Variants in CACNA1H observed in about 807,000 individuals in gnomAD.
The protein encoded by CACNA1H is voltage-dependent T-type calcium channel subunit alpha-1H.
CACNA1H carries 149 observed loss-of-function variants against 192.5 expected under a neutral mutation model. The observed-to-expected ratio is 0.77, with a 90% CI of 0.68 to 0.89. The LOEUF (loss-of-function observed/expected upper bound fraction) is 0.89, where lower values mean the gene tolerates loss of function less well. Among genes scored for constraint, CACNA1H ranks in the 40% least tolerant of loss-of-function variants. The probability of loss-of-function intolerance (pLI) is 0.00; values close to 1 mark genes in which losing one functional copy is unlikely to be tolerated. For synonymous variants in CACNA1H, 2,202 were observed against 1,475.2 expected, an observed-to-expected ratio of 1.49 and a Z score of -11.29; for missense variants, 4,257 against 3,423.5, an observed-to-expected ratio of 1.24 and a Z score of -6.08.
intron 1 of CACNA1H, 68 bp from the exon 2 acceptor site, chr16:1,153,652 G>C (rs1490531771): frequency 1.9e-6 from 2 of 1,026,496 alleles, no homozygotes; most frequent in Non-Finnish European, 2.4e-6. Context: ...TGTTCCCGCA[G>C]CTCCGCGCCG....
rs1966859691 is a variant in CACNA1H, at chr16:1,195,156, C to CG, written c.411+78dup. The stretch of plus-strand genomic sequence containing the variant: ...GTTTATGGTTCAAGGCGGAGTGGGG[C>CG]GGGGGCGGGGCAAGGTTCAAGGTGG... On this transcript the variant is annotated intron_variant, in intron 3 of 34. Transcript: ENST00000348261. 8.5e-5 allele frequency: 7 copies of CG among 82,674 alleles called. No individual in the cohort carries two copies. In the Admixed American group the frequency reaches 1.2e-3, roughly 14 times the overall value. The allele number at this position is 82,674 out of a possible 1,614,324, so 5.1% of individuals were successfully genotyped here. A position where few individuals can be genotyped will look rare whatever the true frequency, so the allele number is the denominator to read the frequency against.
chr16:1,203,015 C>G (rs1018271616), intron 9 of CACNA1H, among the ~76,000 whole-genome samples: 3 of 152,100 alleles, frequency 2.0e-5, no homozygotes, highest in African/African-American at 7.2e-5. Context: ...TAGGGTTCCA[C>G]ACGGGCCTGG....
Position 1,200,807 on chromosome 16 carries a change from T to G in CACNA1H, c.1211T>G (p.Ile404Ser). The stretch of plus-strand genomic sequence containing the variant: ...TTCATCTATTTCATCCTGCTCATCA[T>G]CGTGAGTGTGGGCGGCAGTGTTCGC... ...YNFIYFILLI[I>S]VGSFFMINLC... The change falls in exon 8 of 35, where the codon ATC becomes AGC. Residue 404 changes from isoleucine (I) to serine (S), a missense_variant and splice_region_variant. Ile to Ser is a moderately radical substitution (Grantham distance 142). Coordinates refer to ENST00000348261, the MANE Select transcript of CACNA1H (RefSeq NM_021098.3). 6.4e-7 allele frequency: 1 copy of G among 1,551,038 alleles called. No individual in the cohort carries two copies. The highest frequency in any genetic ancestry group is 8.7e-7 in the Non-Finnish European group (1 of 1,146,728).
chr16:1,177,413 G>C (rs1964999394), intron 2 of CACNA1H, among the ~76,000 whole-genome samples: 1 of 152,230 alleles, frequency 6.6e-6, no homozygotes, highest in South Asian at 2.1e-4. Context: ...GTCTGACCGA[G>C]GCCCACCCTG....
chr16:1,195,897 G>A (rs1485980566), intron 4 of CACNA1H, 29 bp from the exon 5 acceptor site: 12 of 1,557,888 alleles, frequency 7.7e-6, no homozygotes, highest in Non-Finnish European at 8.8e-6. Context: ...GCTCCTTGTT[G>A]AGCTGCTCCC....
chr16:1,194,645 G>A (rs2141189331), intron 2 of CACNA1H, among the ~76,000 whole-genome samples: 1 of 152,316 alleles, frequency 6.6e-6, no homozygotes, highest in East Asian at 1.9e-4. Context: ...GGGAGTCTGA[G>A]TGGCCCTCAC....
chr16:1,160,614 C>T (rs962589637), intron 2 of CACNA1H, among the ~76,000 whole-genome samples: 1 of 152,224 alleles, frequency 6.6e-6, no homozygotes, highest in Non-Finnish European at 1.5e-5. Flanking sequence ...CCGCTGGTGT[C>T]CCTGGCCTCC....
At chr16:1,176,139 C>T (rs1386606217) in intron 2 of CACNA1H, among the ~76,000 whole-genome samples, 1 of 152,226 alleles carries the variant, frequency 6.6e-6, no homozygotes. Context: ...GGGTTCTAGA[C>T]TTTGGGAATT....
In CACNA1H at chr16:1,209,249, G is replaced by C. The variant is rs759668583; in HGVS notation, c.3581G>C (p.Arg1194Pro). 1.3e-6 allele frequency: 2 copies of C among 1,544,228 alleles called. No individual in the cohort carries two copies. The highest frequency in any genetic ancestry group is 2.4e-5 in the South Asian group (2 of 84,396). Residue 1194 changes from arginine to proline, a missense_variant, in exon 17 of 35, where the codon CGG becomes CCG. Arg to Pro is a moderately radical substitution (Grantham distance 103). Coordinates refer to ENST00000348261, the MANE Select transcript of CACNA1H (RefSeq NM_021098.3). ...CCCGGGCCCCGTGCCACCCCACTGC[G>C]GCGGGCCGAGTCCCTGGACCCACGG... ...AAPGPRATPL[R>P]RAESLDPRPL...
At chr16:1,176,834 G>A (rs981181426) in intron 2 of CACNA1H, among the ~76,000 whole-genome samples, 7 of 152,136 alleles carry the variant, frequency 4.6e-5, no homozygotes, top group Admixed American at 3.3e-4. Flanking sequence ...CCCTTCCCCC[G>A]CGTCTCTTCA....
At chr16:1,169,626 C>A (rs1964164903) in intron 2 of CACNA1H, among the ~76,000 whole-genome samples, 3 of 152,246 alleles carry the variant, frequency 2.0e-5, no homozygotes, top group African/African-American at 7.2e-5. Context: ...CTCCCGGGCT[C>A]CCGGTGCTTC....
At chr16:1,184,272 T>C (rs1163149159) in intron 2 of CACNA1H, among the ~76,000 whole-genome samples, 1 of 152,258 alleles carries the variant, frequency 6.6e-6, no homozygotes, top group African/African-American at 2.4e-5. Flanking sequence ...CAGCAAGCAC[T>C]GAGTCCTTGA....
rs1317309323 is a variant in CACNA1H at position 1,212,517 on chromosome 16, T to G, written c.4766T>G (p.Phe1589Cys). The G allele has an allele frequency of 1.2e-6, 2 of 1,611,082 alleles. No individual in the cohort carries two copies. The highest frequency in any genetic ancestry group is 1.3e-5 in the African/African-American group (1 of 74,950). The change falls in exon 26 of 35, where the codon TTC (phenylalanine) becomes TGC (cysteine). Residue 1589 changes from phenylalanine (F) to cysteine (C), a missense_variant. Coordinates refer to ENST00000348261, the MANE Select transcript of CACNA1H (RefSeq NM_021098.3). Reference protein sequence around the residue: ...RRLERRRRSTFPSPEAQRRPY... With the variant: ...RRLERRRRSTCPSPEAQRRPY... ...CATCTCCTTGTCTTTCCAGGCACTT[T>G]CCCCAGCCCAGGTACCGGCCCTGTC...
intron 2 of CACNA1H, among the ~76,000 whole-genome samples, chr16:1,174,894 C>T (rs954755805): frequency 4.6e-5 from 7 of 152,148 alleles, no homozygotes; most frequent in African/African-American, 4.8e-5. Context: ...GGCAGGGGGC[C>T]GGCGGGAGGC....
chr16:1,185,085 G>C (rs142318407), intron 2 of CACNA1H, among the ~76,000 whole-genome samples: 2 of 152,338 alleles, frequency 1.3e-5, no homozygotes, highest in Non-Finnish European at 2.9e-5. Context: ...CTCTGGGTTT[G>C]CCTGTGCGGG....
chr16:1,220,550 C>G lies in CACNA1H; in HGVS notation c.6618C>G (p.Pro2206=), dbSNP rs755043976. The change falls in exon 35 of 35, where the codon CCC becomes CCG. Residue 2206 remains proline, a synonymous_variant. Coordinates refer to ENST00000348261, the MANE Select transcript of CACNA1H (RefSeq NM_021098.3). The stretch of plus-strand genomic sequence containing the variant: ...CGGAGGACGAGGGCTCTGCGCGGCC[C>G]TCCGCGGCAGAGGGCGGCAGCACCA... ...PPAEDEGSAR[P]SAAEGGSTTL... 2 of 1,531,618 alleles carry G rather than the reference C, an allele frequency of 1.3e-6. No individual in the cohort carries two copies. The highest frequency in any genetic ancestry group is 2.3e-5 in the East Asian group (1 of 44,330). 94.9% of individuals were successfully genotyped at this position (1,531,618 alleles called of 1,614,324 possible). A position where few individuals can be genotyped will look rare whatever the true frequency, so the allele number is the denominator to read the frequency against.
rs372686822 is a variant in CACNA1H, at chr16:1,181,867, C to T, written c.300-13105C>T. On this transcript the variant is annotated intron_variant, in intron 2 of 34. Coordinates refer to ENST00000348261, the MANE Select transcript of CACNA1H (RefSeq NM_021098.3). Reference sequence around the variant, plus strand: ...TACACACACATCACACACCCACACCCGGACACGCGCCTCAGGTCCCCACAC... The same window carrying T: ...TACACACACATCACACACCCACACCTGGACACGCGCCTCAGGTCCCCACAC... Among the ~76,000 whole-genome samples the T allele has an allele frequency of 1.8e-4, 27 of 152,292 alleles. No individual in the cohort carries two copies. In the East Asian group the frequency reaches 2.5e-3, roughly 14 times the overall value.
At chr16:1,187,317 G>T (rs940557699) in intron 2 of CACNA1H, among the ~76,000 whole-genome samples, 1 of 152,244 alleles carries the variant, frequency 6.6e-6, no homozygotes, top group Admixed American at 6.5e-5. Context: ...CCAGCCAGGG[G>T]TGGGTACAGA....
chr16:1,196,280 C>T (rs1300570363), intron 5 of CACNA1H, among the ~76,000 whole-genome samples: 3 of 152,272 alleles, frequency 2.0e-5, no homozygotes, highest in African/African-American at 7.2e-5. Flanking sequence ...AGCCGAGTGA[C>T]AGGGGCCACT....
Sources: allele counts gnomAD v4.1 joint callset (sites outside exome capture counted in the v4.1 genomes callset), GRCh38; gene constraint gnomAD v4.1.1; transcripts MANE v1.5; gene names NCBI Gene and HGNC (gene_info 2026-07-23, HGNC 2026-07-21).